The following TMPRSS11F variants were observed in gnomAD, a reference collection of about 807,000 sequenced individuals.
TMPRSS11F encodes transmembrane protease serine 11F.
TMPRSS11F carries 47 observed loss-of-function variants against 60.2 expected under a neutral mutation model. The ratio of observed to expected loss-of-function variants is 0.78; its 90% confidence interval spans 0.62 to 1.00. The LOEUF is 1.00. Ranked by LOEUF, TMPRSS11F falls within the 50% of genes least tolerant of loss-of-function variation. The pLI is 0.00. For missense variants in TMPRSS11F, 519 were observed against 522.9 expected (o/e 0.99, Z 0.07); for synonymous variants, 166 against 167.3 (o/e 0.99, Z 0.06).
chr4:68,117,225 T>G (rs1419341897), intron 1 of TMPRSS11F, among the ~76,000 whole-genome samples: 1 of 151,942 alleles, frequency 6.6e-6, no homozygotes, highest in Non-Finnish European at 1.5e-5. Flanking sequence ...CTCAGCACTT[T>G]GGGAGGCCGA....
In TMPRSS11F at chr4:68,053,801, T is replaced by C; in HGVS notation, c.*108A>G. The C allele has an allele frequency of 8.4e-7, 1 of 1,189,310 alleles. No individual in the cohort carries two copies. The highest frequency in any genetic ancestry group is 1.2e-6 in the Non-Finnish European group (1 of 843,860). The allele number at this position is 1,189,310 out of a possible 1,614,324, so 73.7% of individuals were successfully genotyped here. On this transcript the variant is annotated 3_prime_UTR_variant, in exon 10 of 10. Transcript: ENST00000356291. ...GATTTGTCTGGGTCTGAAGGGCTTC[T>C]TGACATCTAGCAAAAGCACTAATCC...
chr4:68,064,580 A>G (rs1386191563), intron 8 of TMPRSS11F, 105 bp downstream of exon 8: 2 of 1,319,520 alleles, frequency 1.5e-6, no homozygotes, highest in African/African-American at 1.5e-5. Flanking sequence ...CATACTGGAA[A>G]GACCATTACT....
chr4:68,081,009 T>TA (rs1723687110), intron 3 of TMPRSS11F: 1 of 152,230 alleles, frequency 6.6e-6, no homozygotes, highest in South Asian at 2.1e-4. Flanking sequence ...GAAGTTTTTG[T>TA]ATTGCAAATG....
chr4:68,097,559 T>C (rs920230772), intron 2 of TMPRSS11F, among the ~76,000 whole-genome samples: 2 of 150,942 alleles, frequency 1.3e-5, no homozygotes, highest in Admixed American at 1.3e-4. Flanking sequence ...GAAAGGCCTT[T>C]TTGCTACATA....
At chr4:68,091,446 T>C (rs1723928872) in intron 2 of TMPRSS11F, among the ~76,000 whole-genome samples, 1 of 152,136 alleles carries the variant, frequency 6.6e-6, no homozygotes, top group African/African-American at 2.4e-5. Context: ...TAACTATTTA[T>C]TGATGACTCC....
At chr4:68,125,609 C>T (rs776703923) in intron 1 of TMPRSS11F, among the ~76,000 whole-genome samples, 11 of 152,064 alleles carry the variant, frequency 7.2e-5, no homozygotes, top group Non-Finnish European at 1.3e-4. Context: ...AATGCTTGTA[C>T]GATCCAAGGG....
At position 68,053,938 on chromosome 4, in the gene TMPRSS11F, C is replaced by A. The variant is rs747609366; in HGVS notation, c.1288G>T (p.Asp430Tyr). Residue 430 changes from aspartate to tyrosine, a missense_variant, in exon 10 of 10, where the codon GAT becomes TAT. Coordinates refer to ENST00000356291, the MANE Select transcript of TMPRSS11F (RefSeq NM_207407.2). ...ATACCAGTCTTTGAGGCAATCCAAT[C>A]TCGATACTTAGTTACTCTGGTGTAG... ...GVYTRVTKYR[D>Y]WIASKTGM 1 of 1,613,572 alleles carries A rather than the reference C, an allele frequency of 6.2e-7. No homozygotes were observed. Among genetic ancestry groups the A allele is most frequent in the Non-Finnish European group, 8.5e-7 (1 of 1,179,598 alleles).
intron 3 of TMPRSS11F, among the ~76,000 whole-genome samples, chr4:68,085,548 G>A (rs1250554879): frequency 1.3e-5 from 2 of 152,142 alleles, no homozygotes; most frequent in East Asian, 3.8e-4. Context: ...CAGCTAACAT[G>A]ACAGGAACAA....
chr4:68,076,514 T>C (rs767313523), intron 3 of TMPRSS11F, among the ~76,000 whole-genome samples: 10 of 152,192 alleles, frequency 6.6e-5, no homozygotes, highest in Non-Finnish European at 1.0e-4. Context: ...GATAGGTAGC[T>C]CTATTGGGGT....
chr4:68,072,493 A>G lies in TMPRSS11F; in HGVS notation c.351-7T>C. On this transcript the variant is annotated splice_polypyrimidine_tract_variant and splice_region_variant and intron_variant, in intron 4 of 9. Coordinates refer to ENST00000356291, the MANE Select transcript of TMPRSS11F (RefSeq NM_207407.2). ...CACACCTTGTTCATCTGGACTGAAG[A>G]ACAAAAAAGCAGATAAAAATGGCAT... 3.4e-6 allele frequency: 5 copies of G among 1,486,208 alleles called. No individual in the cohort carries two copies. The highest frequency in any genetic ancestry group is 4.5e-6 in the Non-Finnish European group (5 of 1,111,634). The allele number at this position is 1,486,208 out of a possible 1,614,324, so 92.1% of individuals were successfully genotyped here. A position where few individuals can be genotyped will look rare whatever the true frequency, so the allele number is the denominator to read the frequency against.
At chr4:68,086,846 C>T (rs1475014909) in intron 3 of TMPRSS11F, among the ~76,000 whole-genome samples, 1 of 152,046 alleles carries the variant, frequency 6.6e-6, no homozygotes, top group Non-Finnish European at 1.5e-5. Flanking sequence ...CCTGAACAGA[C>T]CAATAATGAG....
rs767060431 is a variant in TMPRSS11F, at chr4:68,090,606, C to T, written c.199G>A (p.Val67Ile). ...TTTTCTTTATATTTGATATTTGTGA[C>T]TTTAAAAGAGGCAAGGTAATAGAAA... Reference protein sequence around the residue: ...KSFYYLASFKVTNIKYKENYG... With the variant: ...KSFYYLASFKITNIKYKENYG... The change falls in exon 3 of 10, where the codon GTC (valine) becomes ATC (isoleucine). Residue 67 changes from valine to isoleucine, a missense_variant. Transcript: ENST00000356291. 6.2e-7 allele frequency: 1 copy of T among 1,601,354 alleles called. No individual in the cohort carries two copies. The highest frequency in any genetic ancestry group is 8.5e-7 in the Non-Finnish European group (1 of 1,172,448).
At position 68,113,057 on chromosome 4, in the gene TMPRSS11F, T is replaced by C. The variant is rs539560794; in HGVS notation, c.12-14019A>G. Among the ~76,000 whole-genome samples, 248 of 152,306 alleles carry C rather than the reference T, an allele frequency of 1.6e-3. 1 individual carries two copies. Among genetic ancestry groups the C allele is most frequent in the African/African-American group, 5.8e-3 (241 of 41,586 alleles). ...CAACATAATACACATTCCCTTACACTGCATATGCAAAATTCATCAAAAAAG... is the reference window on the plus strand; with the variant it reads ...CAACATAATACACATTCCCTTACACCGCATATGCAAAATTCATCAAAAAAG... On this transcript the variant is annotated intron_variant, in intron 1 of 9. Coordinates refer to ENST00000356291, the MANE Select transcript of TMPRSS11F (RefSeq NM_207407.2).
chr4:68,085,405 T>C (rs2109859235), intron 3 of TMPRSS11F, among the ~76,000 whole-genome samples: 1 of 152,276 alleles, frequency 6.6e-6, no homozygotes, highest in Non-Finnish European at 1.5e-5. Flanking sequence ...TGTTGTTTCC[T>C]GACTTTGTAA....
chr4:68,102,832 T>A (rs2109874455), intron 1 of TMPRSS11F, among the ~76,000 whole-genome samples: 1 of 152,240 alleles, frequency 6.6e-6, no homozygotes, highest in East Asian at 1.9e-4. Context: ...TTGTTCTGCT[T>A]ATTTATTTTT....
chr4:68,115,313 C>A (rs1195105062), intron 1 of TMPRSS11F, among the ~76,000 whole-genome samples: 1 of 137,144 alleles, frequency 7.3e-6, no homozygotes, highest in Non-Finnish European at 1.5e-5. Flanking sequence ...GCCGAGATCG[C>A]ACCACTGCAC....
chr4:68,068,806 C>A lies in TMPRSS11F; in HGVS notation c.567G>T (p.Arg189Ser). 1 of 1,614,070 alleles carries A rather than the reference C, an allele frequency of 6.2e-7. No homozygotes were observed. Among genetic ancestry groups the A allele is most frequent in the South Asian group, 1.1e-5 (1 of 91,078 alleles). ...RNLLNSRCGI[R>S]MTSSNMPLPA... ...GTAATGGCATGTTTGAAGATGTCAT[C>A]CTTATTCCACAGCCTGCCACAGAAA... The change falls in exon 7 of 10, where the codon AGG becomes AGT. Residue 189 changes from arginine to serine, a missense_variant. Physicochemically the swap from Arg to Ser is moderately radical, Grantham distance 110. Coordinates refer to ENST00000356291, the MANE Select transcript of TMPRSS11F (RefSeq NM_207407.2).
At chr4:68,122,582 A>T (rs1320324870) in intron 1 of TMPRSS11F, among the ~76,000 whole-genome samples, 3 of 152,204 alleles carry the variant, frequency 2.0e-5, no homozygotes, top group African/African-American at 7.2e-5. Context: ...ATGCAATTCT[A>T]ATAGGTAGAT....
chr4:68,091,854 C>A (rs774705656), intron 2 of TMPRSS11F, among the ~76,000 whole-genome samples: 6 of 151,430 alleles, frequency 4.0e-5, no homozygotes, highest in Non-Finnish European at 7.4e-5. Context: ...TGACACTATT[C>A]CAGCTCACTG....
Sources: allele counts gnomAD v4.1 joint callset (sites outside exome capture counted in the v4.1 genomes callset), GRCh38; gene constraint gnomAD v4.1.1; transcripts MANE v1.5; gene names NCBI Gene and HGNC (gene_info 2026-07-23, HGNC 2026-07-21).